ARFIP1: variants seen among roughly 807,000 people sequenced by gnomAD.
ARFIP1 encodes the protein ARF interacting protein 1.
A neutral mutation model predicts 42.5 loss-of-function variants in ARFIP1; 24 were observed. The observed-to-expected ratio is 0.57, with a 90% confidence interval of 0.41 to 0.80. ARFIP1 has a LOEUF of 0.80. Ranked by LOEUF, ARFIP1 falls within the 30% of genes least tolerant of loss-of-function variation. The pLI is 0.00. For synonymous variants in ARFIP1, 141 were observed against 153.7 expected (o/e 0.92, Z 0.61); for missense variants, 354 against 434.0 (o/e 0.82, Z 1.64).
At chr4:152,804,445 ATATATAT>A (rs1436914509) in intron 1 of ARFIP1, among the ~76,000 whole-genome samples, 1 of 75,338 alleles carries the variant, frequency 1.3e-5, no homozygotes, top group Non-Finnish European at 2.5e-5. Flanking sequence ...AACATGTATT[ATATATAT>A]TATATATAAT....
intron 1 of ARFIP1, chr4:152,810,374 G>A (rs1729349879): frequency 6.6e-6 from 1 of 152,146 alleles, no homozygotes; most frequent in African/African-American, 2.4e-5. Flanking sequence ...AAAAATAAAA[G>A]TAATACCTCC....
intron 8 of ARFIP1, among the ~76,000 whole-genome samples, chr4:152,896,587 TA>T (rs983796336): frequency 4.6e-5 from 7 of 152,070 alleles, no homozygotes; most frequent in African/African-American, 1.7e-4. Context: ...CGGGAAGGAT[TA>T]ATAAAATCAG....
intron 2 of ARFIP1, among the ~76,000 whole-genome samples, chr4:152,834,147 C>G (rs1156948124): frequency 1.3e-5 from 2 of 152,092 alleles, no homozygotes; most frequent in Non-Finnish European, 2.9e-5. Context: ...AAGAACTCAC[C>G]TATTACCAAG....
chr4:152,831,417 T>TC lies in ARFIP1; in HGVS notation c.93+1692dup, dbSNP rs370097345. Among the ~76,000 whole-genome samples, 468 of 152,292 alleles carry TC rather than the reference T, an allele frequency of 3.1e-3. 2 individuals are homozygous for TC. The highest frequency in any genetic ancestry group is 5.5e-3 in the Non-Finnish European group (374 of 68,024). On this transcript the variant is annotated intron_variant, in intron 2 of 8. Coordinates refer to ENST00000353617, the MANE Select transcript of ARFIP1 (RefSeq NM_001025595.3). ...AATGTTGCATTCATGGTTAGGGAAG[T>TC]CACTTGCCATCTTAAGCCTATTTTT...
intron 8 of ARFIP1, among the ~76,000 whole-genome samples, chr4:152,909,843 T>G (rs921214157): frequency 3.9e-5 from 6 of 152,240 alleles, no homozygotes; most frequent in African/African-American, 1.2e-4. Flanking sequence ...TTTGGGCATC[T>G]TAAAACTGAC....
chr4:152,865,437 G>A lies in ARFIP1; in HGVS notation c.202+1723G>A, dbSNP rs148379931. On this transcript the variant is annotated intron_variant, in intron 3 of 8. Transcript: ENST00000353617. ...CAGGCATGAGCCACTGTGCCTGGCC[G>A]TATGCTGTATTTTTTATTGTACAGT... Among the ~76,000 whole-genome samples, 1,234 of 152,212 alleles carry A rather than the reference G, an allele frequency of 8.1e-3. 15 individuals carry two copies. The highest frequency in any genetic ancestry group is 0.028 in the African/African-American group (1,144 of 41,542).
intron 2 of ARFIP1, among the ~76,000 whole-genome samples, chr4:152,846,404 A>G (rs576153612): frequency 2.6e-5 from 4 of 151,784 alleles, no homozygotes; most frequent in East Asian, 3.9e-4. Flanking sequence ...CAAAGAGCAT[A>G]TGAGTCATTT....
chr4:152,881,301 C>G lies in ARFIP1; in HGVS notation c.633+117C>G, dbSNP rs111887580. 293 of 800,744 alleles carry G rather than the reference C, an allele frequency of 3.7e-4. No individual in the cohort carries two copies. The African/African-American group carries it at 4.4e-3, about 12-fold the overall frequency. The allele number at this position is 800,744 out of a possible 1,614,324, so 49.6% of individuals were successfully genotyped here. A position where few individuals can be genotyped will look rare whatever the true frequency, so the allele number is the denominator to read the frequency against. On this transcript the variant is annotated intron_variant, in intron 6 of 8. Transcript: ENST00000353617. The stretch of plus-strand genomic sequence containing the variant: ...TTAATGAAGATGGAATTCTGAGATT[C>G]TCTTTTAAGATATTTCATATCACTT...
chr4:152,896,347 C>T (rs1737323273), intron 8 of ARFIP1, among the ~76,000 whole-genome samples: 1 of 152,030 alleles, frequency 6.6e-6, no homozygotes, highest in Non-Finnish European at 1.5e-5. Flanking sequence ...TGAGAAAGAA[C>T]TCAATGGTTC....
At position 152,870,775 on chromosome 4, in the gene ARFIP1, A is replaced by G. The variant is rs1230248532; in HGVS notation, c.225A>G (p.Pro75=). 2 of 1,614,086 alleles carry G rather than the reference A, an allele frequency of 1.2e-6. No homozygotes were observed. Among genetic ancestry groups the G allele is most frequent in the South Asian group, 1.1e-5 (1 of 91,082 alleles). ...AFQGSPAPPL[P]SVMSPSRVAA... ...CAGGTTCCCCAGCACCGCCACTGCC[A>G]TCTGTTATGTCTCCTAGCAGGGTTG... Residue 75 remains proline, a synonymous_variant, in exon 4 of 9, where the codon CCA becomes CCG. Coordinates refer to ENST00000353617, the MANE Select transcript of ARFIP1 (RefSeq NM_001025595.3).
At chr4:152,783,834 GGTGT>G (rs748960689) in intron 1 of ARFIP1, among the ~76,000 whole-genome samples, 5 of 149,952 alleles carry the variant, frequency 3.3e-5, no homozygotes, top group East Asian at 1.9e-4. Flanking sequence ...ATAAGTCTCT[GGTGT>G]GTGTGTGTGT....
At chr4:152,802,765 G>A (rs570126774) in intron 1 of ARFIP1, among the ~76,000 whole-genome samples, 26 of 152,224 alleles carry the variant, frequency 1.7e-4, no homozygotes, top group Non-Finnish European at 2.8e-4. Context: ...GTAATGAATA[G>A]CAGGAAACTT....
At chr4:152,871,987 TTCTCCAAA>T (rs1734922574) in intron 4 of ARFIP1, among the ~76,000 whole-genome samples, 1 of 152,166 alleles carries the variant, frequency 6.6e-6, no homozygotes, top group Non-Finnish European at 1.5e-5. Flanking sequence ...TTTTTTCAAA[TTCTCCAAA>T]ATTATAGCAA....
At chr4:152,795,971 G>A (rs750915487) in intron 1 of ARFIP1, 31 of 466,082 alleles carry the variant, frequency 6.7e-5, no homozygotes, top group Non-Finnish European at 9.3e-5. Flanking sequence ...TTGCAGACAG[G>A]TATAGCTGTT....
At chr4:152,904,277 C>T (rs1231332683) in intron 8 of ARFIP1, among the ~76,000 whole-genome samples, 2 of 150,924 alleles carry the variant, frequency 1.3e-5, no homozygotes, top group Non-Finnish European at 2.9e-5. Flanking sequence ...TGCAACCCTC[C>T]GCCTCCATAG....
rs1224255265 is a variant in ARFIP1 at position 152,881,187 on chromosome 4, A to T, written c.633+3A>T. 6.3e-7 allele frequency: 1 copy of T among 1,588,374 alleles called. No homozygotes were observed. Among genetic ancestry groups the T allele is most frequent in the Non-Finnish European group, 8.6e-7 (1 of 1,159,422 alleles). On this transcript the variant is annotated splice_donor_region_variant and intron_variant, in intron 6 of 8. Coordinates refer to ENST00000353617, the MANE Select transcript of ARFIP1 (RefSeq NM_001025595.3). Reference sequence around the variant, plus strand: ...GTTTGAAGTCACTAGAACTTCATGTAAGATTATTCTAAATAACTATTAGGG... The same window carrying T: ...GTTTGAAGTCACTAGAACTTCATGTTAGATTATTCTAAATAACTATTAGGG...
At chr4:152,807,079 A>G (rs1578839423) in intron 1 of ARFIP1, 1 of 152,112 alleles carries the variant, frequency 6.6e-6, no homozygotes, top group African/African-American at 2.4e-5. Context: ...TTCGAAATTA[A>G]TCAAGAGTTG....
intron 4 of ARFIP1, 60 bp downstream of exon 4, chr4:152,870,908 A>G (rs1313681612): frequency 5.7e-6 from 8 of 1,396,268 alleles, no homozygotes; most frequent in Middle Eastern, 1.8e-4. Context: ...ACACTAATTT[A>G]CTCAGTTTCA....
intron 2 of ARFIP1, among the ~76,000 whole-genome samples, chr4:152,833,947 TCA>T (rs1392457269): frequency 1.3e-5 from 2 of 152,178 alleles, no homozygotes; most frequent in Non-Finnish European, 2.9e-5. Flanking sequence ...TTGTTTTGGC[TCA>T]CAGTTCTGCA....
Sources: allele counts gnomAD v4.1 joint callset (sites outside exome capture counted in the v4.1 genomes callset), GRCh38; gene constraint gnomAD v4.1.1; transcripts MANE v1.5; gene names NCBI Gene and HGNC (gene_info 2026-07-23, HGNC 2026-07-21).